CPLANE1: variants seen among roughly 807,000 people sequenced by gnomAD.
CPLANE1 encodes ciliogenesis and planar polarity effector complex subunit 1, also known as ciliogenesis and planar polarity effector 1.
CPLANE1 carries 263 observed loss-of-function variants against 362.5 expected under a neutral mutation model. The ratio of observed to expected loss-of-function variants is 0.73; its 90% CI spans 0.66 to 0.80. The LOEUF is 0.80. CPLANE1 is among the 30% of genes least tolerant of loss of function. The pLI, the probability that CPLANE1 is intolerant of heterozygous loss-of-function variation, is 0.00. For missense variants in CPLANE1, 3,461 were observed against 3,793.4 expected (o/e 0.91, Z 2.30); for synonymous variants, 1,212 against 1,302.6 (o/e 0.93, Z 1.50).
intron 50 of CPLANE1, among the ~76,000 whole-genome samples, chr5:37,117,123 A>G (rs1228496749): frequency 2.0e-5 from 3 of 152,204 alleles, no homozygotes; most frequent in Non-Finnish European, 4.4e-5. Flanking sequence ...TATAAATACT[A>G]TAATACCCGC....
Position 37,209,829 on chromosome 5 carries a change from A to G in CPLANE1, c.2921-3404T>C. On this transcript the variant is annotated intron_variant, in intron 16 of 52. Coordinates refer to ENST00000651892, the MANE Select transcript of CPLANE1 (RefSeq NM_001384732.1). This position sits in a 1 kb window ranked among gnomAD's most constrained non-coding sequence, Gnocchi z 4.6. The stretch of plus-strand genomic sequence containing the variant: ...GGCAGAATATCATCAAGCTAAAGAA[A>G]GTTGTAATATGGAAACTCAGACAAG... 7.4e-7 allele frequency: 1 copy of G among 1,351,624 alleles called. No individual in the cohort carries two copies. Among genetic ancestry groups the G allele is most frequent in the Non-Finnish European group, 1.1e-6 (1 of 943,168 alleles). The allele number at this position is 1,351,624 out of a possible 1,614,324, so 83.7% of individuals were successfully genotyped here.
chr5:37,085,724 C>G, the CPLANE1 span: 1 of 1,280,894 alleles, frequency 7.8e-7, no homozygotes, highest in Non-Finnish European at 1.1e-6. Flanking sequence ...TGCTACTCGA[C>G]TTTCCAACAT....
At chr5:37,217,443 T>G (rs1463268163) in intron 15 of CPLANE1, among the ~76,000 whole-genome samples, 1 of 150,950 alleles carries the variant, frequency 6.6e-6, no homozygotes, top group Non-Finnish European at 1.5e-5. Context: ...CCGTCTCTAC[T>G]AAAAATACAA....
chr5:37,091,166 G>A, the CPLANE1 span, among the ~76,000 whole-genome samples: 1 of 152,124 alleles, frequency 6.6e-6, no homozygotes, highest in Non-Finnish European at 1.5e-5. Flanking sequence ...TAACCCTAGA[G>A]GATTAGAACC....
intron 21 of CPLANE1, among the ~76,000 whole-genome samples, chr5:37,193,275 T>C (rs1342357924): frequency 6.6e-6 from 1 of 152,172 alleles, no homozygotes; most frequent in African/African-American, 2.4e-5. Context: ...GTGTTGACAA[T>C]TGTTGCAAGT....
At chr5:37,126,572 C>T (rs932832850) in intron 46 of CPLANE1, among the ~76,000 whole-genome samples, 2 of 152,184 alleles carry the variant, frequency 1.3e-5, no homozygotes, top group African/African-American at 2.4e-5. Flanking sequence ...CCCTGCATTC[C>T]GCCATCCTCT....
Position 37,173,801 on chromosome 5 carries a change from T to G in CPLANE1, c.6125A>C (p.Glu2042Ala), listed in dbSNP as rs766565364. 2.5e-6 allele frequency: 4 copies of G among 1,614,168 alleles called. No individual in the cohort carries two copies. The highest frequency in any genetic ancestry group is 3.4e-6 in the Non-Finnish European group (4 of 1,180,038). Residue 2042 changes from glutamate (E) to alanine (A), a missense_variant, in exon 32 of 53, where the codon GAG becomes GCG. Physicochemically the swap from Glu to Ala is moderately radical, Grantham distance 107 (BLOSUM62 -1). Transcript: ENST00000651892. The stretch of plus-strand genomic sequence containing the variant: ...ATCTTGCAGCATCTGCCTAACGGAC[T>G]CCGAACAATCTGGTAACTGAGCCGT... ...EFTAQLPDCS[E>A]SVRQMLQDEM...
In CPLANE1 at chr5:37,108,469, A is replaced by T; in HGVS notation, c.9403T>A (p.Ser3135Thr). 6.2e-7 allele frequency: 1 copy of T among 1,611,968 alleles called. No individual in the cohort carries two copies. ...TQSPVTFQKGSNAPCHSLQHT... is the reference protein window; with the variant it reads ...TQSPVTFQKGTNAPCHSLQHT... ...TGCAGACTATGACACGGAGCATTAG[A>T]GCCTTTTAAGGGATAAGAACAAAGC... The change falls in exon 52 of 53, where the codon TCT becomes ACT. Residue 3135 changes from serine (S) to threonine (T), a missense_variant and splice_region_variant. Coordinates refer to ENST00000651892, the MANE Select transcript of CPLANE1 (RefSeq NM_001384732.1).
intron 51 of CPLANE1, among the ~76,000 whole-genome samples, chr5:37,113,673 T>C (rs59713841): frequency 0.017 from 2,622 of 152,248 alleles, 58 homozygotes; most frequent in African/African-American, 0.052. Flanking sequence ...TAGACATAGG[T>C]AAAAAGAGAT....
intron 13 of CPLANE1, 72 bp downstream of exon 13, chr5:37,224,460 A>C: frequency 7.6e-7 from 1 of 1,318,512 alleles, no homozygotes; most frequent in Non-Finnish European, 1.1e-6. Context: ...CATTACAACC[A>C]ATTAGAAATT....
At chr5:37,210,715 A>C (rs1232352513) in intron 16 of CPLANE1, 7 of 1,579,090 alleles carry the variant, frequency 4.4e-6, no homozygotes, top group Non-Finnish European at 6.1e-6. Flanking sequence ...CTGGCACAAA[A>C]TAAATTACTT....
At chr5:37,137,822 G>A (rs1023965969) in intron 46 of CPLANE1, among the ~76,000 whole-genome samples, 11 of 151,992 alleles carry the variant, frequency 7.2e-5, no homozygotes, top group Admixed American at 2.6e-4. Context: ...ATCTCCACCT[G>A]TTCCCTCCCA....
intron 43 of CPLANE1, among the ~76,000 whole-genome samples, chr5:37,146,443 C>T (rs910349372): frequency 2.0e-5 from 3 of 152,286 alleles, no homozygotes; most frequent in African/African-American, 7.2e-5. Flanking sequence ...TCCCAAAGTG[C>T]TGGGATTACA....
chr5:37,168,682 A>G (rs1264597457), intron 34 of CPLANE1, 109 bp downstream of exon 34: 1 of 921,242 alleles, frequency 1.1e-6, no homozygotes, highest in African/African-American at 1.7e-5. Flanking sequence ...ATTTTCTATA[A>G]CAAGCATTTT....
At chr5:37,104,575 G>C (rs927947893), downstream of CPLANE1, among the ~76,000 whole-genome samples, 1 of 151,192 alleles carries the variant, frequency 6.6e-6, no homozygotes, top group Non-Finnish European at 1.5e-5. Flanking sequence ...ACTCCAGCCT[G>C]GGTGACAGAG....
In CPLANE1 at chr5:37,170,294, A is replaced by G. The variant is rs1779417174; in HGVS notation, c.6209T>C (p.Val2070Ala). The G allele has an allele frequency of 6.2e-7, 1 of 1,614,188 alleles. No individual in the cohort carries two copies. The highest frequency in any genetic ancestry group is 1.3e-5 in the African/African-American group (1 of 75,070). The change falls in exon 33 of 53, where the codon GTA becomes GCA. Residue 2070 changes from valine (V) to alanine (A), a missense_variant. This residue lies in a region of CPLANE1 where 3,380 missense variants were observed against 3,666.1 expected (regional missense o/e 0.92). Coordinates refer to ENST00000651892, the MANE Select transcript of CPLANE1 (RefSeq NM_001384732.1). The stretch of plus-strand genomic sequence containing the variant: ...TGGGAGATTAGCAAAGGATGATCCT[A>G]CTATTTGCATTAGGCTCATGAAGTT... ...QINFMSLMQIVGSSFANLPDT... is the reference protein window; with the variant it reads ...QINFMSLMQIAGSSFANLPDT...
intron 20 of CPLANE1, 120 bp downstream of exon 20, chr5:37,198,582 G>A (rs2151410055): frequency 5.2e-6 from 5 of 961,816 alleles, no homozygotes; most frequent in Non-Finnish European, 7.6e-6. Flanking sequence ...GAATAAATCT[G>A]AAATTTGTGG....
chr5:37,149,506 C>T (rs756843628), intron 42 of CPLANE1, among the ~76,000 whole-genome samples: 5 of 152,196 alleles, frequency 3.3e-5, no homozygotes, highest in Non-Finnish European at 7.3e-5. Flanking sequence ...TTTCAATCCA[C>T]ATTTGGTTGA....
At chr5:37,184,438 TA>T (rs1416990272) in intron 25 of CPLANE1, among the ~76,000 whole-genome samples, 1 of 152,030 alleles carries the variant, frequency 6.6e-6, no homozygotes, top group Non-Finnish European at 1.5e-5. Context: ...AAAATTTCCT[TA>T]AAAATAATAT....
Sources: allele counts gnomAD v4.1 joint callset (sites outside exome capture counted in the v4.1 genomes callset), GRCh38; gene constraint gnomAD v4.1.1; regional missense constraint gnomAD v4.1.1; non-coding constraint Gnocchi (gnomAD v3.1); transcripts MANE v1.5; gene names NCBI Gene and HGNC (gene_info 2026-07-23, HGNC 2026-07-21).